PDE2A: variants seen among roughly 807,000 people sequenced by gnomAD.
The protein encoded by PDE2A is phosphodiesterase 2A, also known as cGMP-dependent 3',5'-cyclic phosphodiesterase.
In PDE2A, 53 loss-of-function variants were observed where a neutral mutation model predicts 133.6. The observed-to-expected ratio is 0.40, with a 90% CI of 0.32 to 0.50. The LOEUF is 0.50. Ranked by LOEUF, PDE2A falls within the 20% of genes least tolerant of loss-of-function variation. The pLI is 0.73. For synonymous variants in PDE2A, 491 were observed against 490.2 expected, an observed-to-expected ratio of 1.00 and a Z score of -0.02; for missense variants, 796 against 1,232.4, an observed-to-expected ratio of 0.65 and a Z score of 5.30.
chr11:72,640,248 G>A lies in PDE2A; in HGVS notation c.144+2006C>T, dbSNP rs146718966. On this transcript the variant is annotated intron_variant, in intron 2 of 30. Coordinates refer to ENST00000334456, the MANE Select transcript of PDE2A (RefSeq NM_002599.5). ...GCATCCAATTAAATTCAATACGCAC[G>A]CCACCTAGACACAGAGACACATGCA... Among the ~76,000 whole-genome samples the A allele has an allele frequency of 2.3e-3, 347 of 151,566 alleles. 1 individual carries two copies. The highest frequency in any genetic ancestry group is 7.9e-3 in the African/African-American group (327 of 41,258).
chr11:72,659,563 T>C (rs1854992688), intron 1 of PDE2A, among the ~76,000 whole-genome samples: 1 of 152,098 alleles, frequency 6.6e-6, no homozygotes, highest in African/African-American at 2.4e-5. Context: ...AGTAATTTAT[T>C]GCTAGTTACA....
intron 2 of PDE2A, among the ~76,000 whole-genome samples, chr11:72,620,790 G>A (rs959499272): frequency 6.6e-6 from 1 of 151,984 alleles, no homozygotes; most frequent in Non-Finnish European, 1.5e-5. Context: ...TGGTAAGGAC[G>A]GCAGGGGAGA....
rs188860689 is a variant in PDE2A, at chr11:72,576,556, G to C, written c.*828C>G. On this transcript the variant is annotated 3_prime_UTR_variant, in exon 31 of 31. Coordinates refer to ENST00000334456, the MANE Select transcript of PDE2A (RefSeq NM_002599.5). ...GCAGAAACATTCCATAGCCTCTGCT[G>C]GGACTCCGCAGAGCGATAGAGCTAT... 12 of 169,462 alleles carry C rather than the reference G, an allele frequency of 7.1e-5. No homozygotes were observed. The East Asian group carries it at 2.3e-3, about 33-fold the overall frequency. 10.5% of individuals were successfully genotyped at this position (169,462 alleles called of 1,614,324 possible).
At chr11:72,579,506 ATCCC>A in intron 26 of PDE2A, 24 bp downstream of exon 26, 3 of 1,555,594 alleles carry the variant, frequency 1.9e-6, no homozygotes, top group South Asian at 1.2e-5. Flanking sequence ...CTCCCCCTCA[ATCCC>A]CACCCCACCC....
At position 72,584,663 on chromosome 11, in the gene PDE2A, G is replaced by C; in HGVS notation, c.1425C>G (p.Ile475Met). Residue 475 changes from isoleucine to methionine, a missense_variant, in exon 18 of 31, where the codon ATC becomes ATG. Transcript: ENST00000334456. Reference protein sequence around the residue: ...IAGHVATTGQILNIPDAYAHP... With the variant: ...IAGHVATTGQMLNIPDAYAHP... ...GGGCATATGCGTCAGGGATGTTCAG[G>C]ATCTGGCCCGTGGTCGCCACGTGTC... The C allele has an allele frequency of 6.2e-7, 1 of 1,613,430 alleles. No individual in the cohort carries two copies. The highest frequency in any genetic ancestry group is 8.5e-7 in the Non-Finnish European group (1 of 1,180,018).
chr11:72,625,463 A>C (rs1858011515), intron 2 of PDE2A, among the ~76,000 whole-genome samples: 1 of 152,138 alleles, frequency 6.6e-6, no homozygotes, highest in African/African-American at 2.4e-5. Flanking sequence ...GGAGTGGGAG[A>C]TGGAGGGCAG....
At chr11:72,582,597 C>G in intron 20 of PDE2A, 31 bp from the exon 21 acceptor site, 2 of 1,589,534 alleles carry the variant, frequency 1.3e-6, no homozygotes, top group Non-Finnish European at 1.7e-6. Flanking sequence ...CATTAGAAGA[C>G]AGCCTTCACC....
At chr11:72,648,850 C>G (rs907698205) in intron 1 of PDE2A, among the ~76,000 whole-genome samples, 1 of 152,108 alleles carries the variant, frequency 6.6e-6, no homozygotes, top group African/African-American at 2.4e-5. Flanking sequence ...CGTCCATGTT[C>G]CTATCACGCC....
intron 4 of PDE2A, among the ~76,000 whole-genome samples, chr11:72,600,227 C>T: frequency 6.6e-6 from 1 of 152,154 alleles, no homozygotes; most frequent in East Asian, 1.9e-4. Context: ...TCAGAACGAT[C>T]ATGCTGCCTG....
chr11:72,630,599 G>T (rs61895573), intron 2 of PDE2A, among the ~76,000 whole-genome samples: 1 of 151,932 alleles, frequency 6.6e-6, no homozygotes, highest in Non-Finnish European at 1.5e-5. Flanking sequence ...GGAGCATGGA[G>T]GATTCTGGGG....
At chr11:72,641,406 A>G (rs1399171394) in intron 2 of PDE2A, among the ~76,000 whole-genome samples, 1 of 152,224 alleles carries the variant, frequency 6.6e-6, no homozygotes, top group Non-Finnish European at 1.5e-5. Flanking sequence ...GCAGAGGTAG[A>G]TACAAGAGGA....
At chr11:72,643,346 T>C (rs342321) in intron 1 of PDE2A, 97,460 of 152,180 alleles carry the variant, frequency 0.64, 31,566 homozygotes, top group Middle Eastern at 0.78. Context: ...ATGAAAGCGG[T>C]TGGGGCGGCA....
intron 2 of PDE2A, chr11:72,615,044 G>A (rs367831067): frequency 4.6e-6 from 2 of 435,328 alleles, no homozygotes; most frequent in Non-Finnish European, 4.8e-6. Flanking sequence ...CCCACCCTTC[G>A]CAGACTCCGG....
intron 2 of PDE2A, among the ~76,000 whole-genome samples, chr11:72,640,504 C>T (rs1303557078): frequency 3.3e-5 from 5 of 152,132 alleles, no homozygotes; most frequent in African/African-American, 1.2e-4. Flanking sequence ...TGTCCAGAAT[C>T]GCGGGAGCAG....
chr11:72,605,166 G>A lies in PDE2A; in HGVS notation c.295C>T (p.His99Tyr). The A allele has an allele frequency of 6.2e-7, 1 of 1,611,276 alleles. No homozygotes were observed. The highest frequency in any genetic ancestry group is 8.5e-7 in the Non-Finnish European group (1 of 1,178,400). The change falls in exon 4 of 31, where the codon CAT becomes TAT. Residue 99 changes from histidine (H) to tyrosine (Y), a missense_variant. This residue lies in a region of PDE2A where 417 missense variants were observed against 475.3 expected (regional missense o/e 0.88). Coordinates refer to ENST00000334456, the MANE Select transcript of PDE2A (RefSeq NM_002599.5). ...ESQLVCEDPPHELPQEGKVRE... is the reference protein window; with the variant it reads ...ESQLVCEDPPYELPQEGKVRE... ...ACTTTCCCCTCCTGGGGCAGCTCAT[G>A]TGGGGGGTCCTCACACACCAGCTGG... is the stretch of plus-strand genomic sequence containing the variant.
At chr11:72,595,917 T>G (rs1463075603) in intron 6 of PDE2A, among the ~76,000 whole-genome samples, 2 of 152,048 alleles carry the variant, frequency 1.3e-5, no homozygotes, top group Non-Finnish European at 2.9e-5. Flanking sequence ...AGAGGGAGGC[T>G]TGTCTGGGTT....
rs111761645 is a variant in PDE2A, at chr11:72,602,250, C to A, written c.323+2888G>T. ...GCTGGGCATCTGAGAGCCCAAACAGCGGCAGGAACAGGGACAGGTGGGGCT... is the reference window on the plus strand; with the variant it reads ...GCTGGGCATCTGAGAGCCCAAACAGAGGCAGGAACAGGGACAGGTGGGGCT... On this transcript the variant is annotated intron_variant, in intron 4 of 30. Transcript: ENST00000334456. Among the ~76,000 whole-genome samples, 148 of 152,314 alleles carry A rather than the reference C, an allele frequency of 9.7e-4. 1 individual carries two copies. The highest frequency in any genetic ancestry group is 3.4e-3 in the African/African-American group (142 of 41,572).
chr11:72,626,995 T>G (rs984502804), intron 2 of PDE2A, among the ~76,000 whole-genome samples: 3 of 152,212 alleles, frequency 2.0e-5, no homozygotes, highest in African/African-American at 7.2e-5. Flanking sequence ...CATGGACCTC[T>G]CTGACTGCCT....
chr11:72,663,527 G>A (rs756675869), intron 1 of PDE2A, among the ~76,000 whole-genome samples: 163 of 152,148 alleles, frequency 1.1e-3, no homozygotes, highest in Non-Finnish European at 1.0e-4. Context: ...GCAGGAGTTC[G>A]AGACCAGCCT....
Sources: allele counts gnomAD v4.1 joint callset (sites outside exome capture counted in the v4.1 genomes callset), GRCh38; gene constraint gnomAD v4.1.1; regional missense constraint gnomAD v4.1.1; transcripts MANE v1.5; gene names NCBI Gene and HGNC (gene_info 2026-07-23, HGNC 2026-07-21).